The following BOD1L1 variants were observed in gnomAD, a reference collection of about 807,000 sequenced individuals.
BOD1L1 encodes biorientation of chromosomes in cell division protein 1-like 1.
BOD1L1 carries 86 observed loss-of-function variants against 240.7 expected under a neutral mutation model. That is an observed-to-expected ratio of 0.36 (90% CI 0.30 to 0.43). The LOEUF (loss-of-function observed/expected upper bound fraction) is 0.43, where lower values mean the gene tolerates loss of function less well. BOD1L1 is among the 20% of genes least tolerant of loss of function. BOD1L1 has a pLI of 1.00. For missense variants in BOD1L1, 3,554 were observed against 3,643.5 expected (o/e 0.98, Z 0.63); for synonymous variants, 1,268 against 1,272.3 (o/e 1.00, Z 0.07).
In BOD1L1 at chr4:13,586,453, A is replaced by G. The variant is rs921209434; in HGVS notation, c.8376T>C (p.Asp2792=). ...DEPDDNPDVL[D]SRIETAQRQC... is the part of the protein sequence containing the mutation. ...GCCTTTGTGCTGTTTCTATTCTGGAATCCAGGACATCTGGATTATCATCTG... is the reference window on the plus strand; with the variant it reads ...GCCTTTGTGCTGTTTCTATTCTGGAGTCCAGGACATCTGGATTATCATCTG... Residue 2792 remains aspartate, a synonymous_variant, in exon 17 of 26, where the codon GAT becomes GAC. Coordinates refer to ENST00000040738, the MANE Select transcript of BOD1L1 (RefSeq NM_148894.3). 6.2e-7 allele frequency: 1 copy of G among 1,610,512 alleles called. No homozygotes were observed. Among genetic ancestry groups the G allele is most frequent in the Non-Finnish European group, 8.5e-7 (1 of 1,177,564 alleles).
rs778285897 is a variant in BOD1L1 at position 13,603,054 on chromosome 4, T to C, written c.3846A>G (p.Pro1282=). The C allele has an allele frequency of 3.5e-5, 56 of 1,613,856 alleles. No individual in the cohort carries two copies. Among genetic ancestry groups the C allele is most frequent in the Admixed American group, 1.2e-4 (7 of 60,006 alleles). ...GCACAACAGTCACTGAACTTAAGGA[T>C]GGTGAGGAGTCTAAATTTGTGGAAT... The part of the protein sequence containing the change: ...LEHSTNLDSS[P]SLSSVTVVPL... Residue 1282 remains proline (P), a synonymous_variant, in exon 10 of 26, where the codon CCA becomes CCG. Transcript: ENST00000040738.
In BOD1L1 at chr4:13,605,063, A is replaced by C; in HGVS notation, c.1837T>G (p.Ser613Ala). The C allele has an allele frequency of 6.4e-7, 1 of 1,553,904 alleles. No homozygotes were observed. Among genetic ancestry groups the C allele is most frequent in the Non-Finnish European group, 8.6e-7 (1 of 1,157,840 alleles). ...ACATGCTTCAGCTCCTTTGAAGAAG[A>C]AATTTTTTCCTTTTCACAATGCTGA... ...TSEHCEKEKISSSKELKHVHA... is the reference protein window; with the variant it reads ...TSEHCEKEKIASSKELKHVHA... The change falls in exon 10 of 26, where the codon TCT becomes GCT. Residue 613 changes from serine (S) to alanine (A), a missense_variant. Around this residue, in one of 2 missense-constraint regions of BOD1L1, gnomAD observed 3,393 missense variants for 3,427.1 expected, o/e 0.99. Transcript: ENST00000040738.
rs547572227 is a variant in BOD1L1 at position 13,609,585 on chromosome 4, T to C, written c.1492-179A>G. Among the ~76,000 whole-genome samples the C allele has an allele frequency of 4.2e-4, 64 of 152,232 alleles. 1 individual carries two copies. Among genetic ancestry groups the C allele is most frequent in the Non-Finnish European group, 8.1e-4 (55 of 67,984 alleles). ...ATTTATCTCTGTGTGTATACATACA[T>C]ATGTATGTGTATGTTTCAATCTAGA... On this transcript the variant is annotated intron_variant, in intron 6 of 25. Coordinates refer to ENST00000040738, the MANE Select transcript of BOD1L1 (RefSeq NM_148894.3).
chr4:13,570,205 CA>C lies in BOD1L1; in HGVS notation c.9039-78del. 4 of 1,088,162 alleles carry C rather than the reference CA, an allele frequency of 3.7e-6. 1 individual carries two copies. The East Asian group carries it at 1.2e-4, about 32-fold the overall frequency. The allele number at this position is 1,088,162 out of a possible 1,614,324, so 67.4% of individuals were successfully genotyped here. ...AATAACTTGGGAGTTCCTTAAAAAA[CA>C]GAAGAGTTTTGAACTTGACAGCTAA... is the stretch of plus-strand genomic sequence containing the variant. On this transcript the variant is annotated intron_variant, in intron 25 of 25. Coordinates refer to ENST00000040738, the MANE Select transcript of BOD1L1 (RefSeq NM_148894.3).
chr4:13,595,944 C>A lies in BOD1L1; in HGVS notation c.8020G>T (p.Ala2674Ser). 6.2e-7 allele frequency: 1 copy of A among 1,612,564 alleles called. No individual in the cohort carries two copies. Among genetic ancestry groups the A allele is most frequent in the Admixed American group, 1.7e-5 (1 of 59,868 alleles). The change falls in exon 12 of 26, where the codon GCT (alanine) becomes TCT (serine). Residue 2674 changes from alanine to serine, a missense_variant and splice_region_variant. Around this residue, in one of 2 missense-constraint regions of BOD1L1, gnomAD observed 3,393 missense variants for 3,427.1 expected, o/e 0.99. Coordinates refer to ENST00000040738, the MANE Select transcript of BOD1L1 (RefSeq NM_148894.3). ...LKLKANLKME[A>S]YVPSEEEKNG... is the part of the protein sequence containing the mutation. ...TTCTCTTCCTCTGAAGGCACATAAG[C>A]CTAAAAAATCCAAAGCACCATAAAA... is the stretch of plus-strand genomic sequence containing the variant.
At chr4:13,584,926 T>G (rs1713550943) in intron 17 of BOD1L1, among the ~76,000 whole-genome samples, 1 of 152,346 alleles carries the variant, frequency 6.6e-6, no homozygotes, top group South Asian at 2.1e-4. Context: ...AAATAAATGC[T>G]ATTGCAGACA....
Position 13,603,076 on chromosome 4 carries a change from G to T in BOD1L1, c.3824C>A (p.Ser1275Tyr), listed in dbSNP as rs773835193. The T allele has an allele frequency of 3.7e-6, 6 of 1,613,950 alleles. No homozygotes were observed. Among genetic ancestry groups the T allele is most frequent in the South Asian group, 1.1e-5 (1 of 91,078 alleles). ...VAQGDATLEH[S>Y]TNLDSSPSLS... is the part of the protein sequence containing the mutation. The stretch of plus-strand genomic sequence containing the variant: ...GGATGGTGAGGAGTCTAAATTTGTG[G>T]AATGTTCAAGAGTGGCATCTCCTTG... Residue 1275 changes from serine to tyrosine, a missense_variant, in exon 10 of 26, where the codon TCC (serine) becomes TAC (tyrosine). Ser to Tyr is a moderately radical substitution (Grantham distance 144). This residue lies in a region of BOD1L1 where 3,393 missense variants were observed against 3,427.1 expected (regional missense o/e 0.99). Coordinates refer to ENST00000040738, the MANE Select transcript of BOD1L1 (RefSeq NM_148894.3).
In BOD1L1 at chr4:13,570,115, G is replaced by A. The variant is rs747364083; in HGVS notation, c.9052C>T (p.Leu3018Phe). 32 of 1,596,054 alleles carry A rather than the reference G, an allele frequency of 2.0e-5. No individual in the cohort carries two copies. Among genetic ancestry groups the A allele is most frequent in the Non-Finnish European group, 2.6e-5 (30 of 1,173,138 alleles). Residue 3018 changes from leucine (L) to phenylalanine (F), a missense_variant, in exon 26 of 26, where the codon CTC becomes TTC. This residue lies in a region of BOD1L1 where 3,393 missense variants were observed against 3,427.1 expected (regional missense o/e 0.99). Transcript: ENST00000040738. ...RSEAQRSKTQ[L>F]SPSIKRKREV... is the part of the protein sequence containing the mutation. ...CTCTTGCGCTTGATAGAAGGGGAGA[G>A]CTGTGTCTTTGATCTGCATTAAGCA...
In BOD1L1 at chr4:13,604,964, T is replaced by A; in HGVS notation, c.1936A>T (p.Asn646Tyr). 2 of 1,613,746 alleles carry A rather than the reference T, an allele frequency of 1.2e-6. No individual in the cohort carries two copies. Among genetic ancestry groups the A allele is most frequent in the East Asian group, 2.2e-5 (1 of 44,862 alleles). ...ESLHVVDENKNESKLEREHKR... is the reference protein window; with the variant it reads ...ESLHVVDENKYESKLEREHKR... ...TGTTCTCTTTCTAATTTGGATTCAT[T>A]TTTGTTTTCGTCAACTACATGCAAA... is the stretch of plus-strand genomic sequence containing the variant. The change falls in exon 10 of 26, where the codon AAT becomes TAT. Residue 646 changes from asparagine (N) to tyrosine (Y), a missense_variant. By Grantham distance (143) the Asn-to-Tyr change is moderately radical. Transcript: ENST00000040738.
At chr4:13,619,278 C>T (rs1294640681) in intron 2 of BOD1L1, among the ~76,000 whole-genome samples, 4 of 144,958 alleles carry the variant, frequency 2.8e-5, no homozygotes, top group Non-Finnish European at 4.5e-5. Context: ...CACTGCACTC[C>T]TGCCTGGGGA....
Position 13,603,267 on chromosome 4 carries a change from A to G in BOD1L1, c.3633T>C (p.Ser1211=), listed in dbSNP as rs950971586. The G allele has an allele frequency of 1.2e-6, 2 of 1,613,828 alleles. No homozygotes were observed. The highest frequency in any genetic ancestry group is 2.7e-5 in the African/African-American group (2 of 74,918). ...CCCCAGGGTTCATTTTGGACACAGCACTTTGTATATGCATTTTCTTGGTCA... is the reference window on the plus strand; with the variant it reads ...CCCCAGGGTTCATTTTGGACACAGCGCTTTGTATATGCATTTTCTTGGTCA... The part of the protein sequence containing the change: ...STLTKKMHIQ[S]AVSKMNPGEK... The change falls in exon 10 of 26, where the codon AGT becomes AGC. Residue 1211 remains serine, a synonymous_variant. Coordinates refer to ENST00000040738, the MANE Select transcript of BOD1L1 (RefSeq NM_148894.3).
At chr4:13,593,487 C>T (rs1296557295) in intron 12 of BOD1L1, 1 of 151,786 alleles carries the variant, frequency 6.6e-6, no homozygotes, top group Non-Finnish European at 1.5e-5. Flanking sequence ...TTTTATTGTA[C>T]TGAAGGTGGT....
chr4:13,579,993 C>CAA lies in BOD1L1; in HGVS notation c.8704-22_8704-21dup. On this transcript the variant is annotated intron_variant, in intron 21 of 25. Transcript: ENST00000040738. ...TTCTACCTATGTTTAAATAAACAAA[C>CAA]AAAAAAAAATTTTAAATCAGCAGTT... is the stretch of plus-strand genomic sequence containing the variant. The CAA allele has an allele frequency of 6.6e-7, 1 of 1,524,542 alleles. No homozygotes were observed. The highest frequency in any genetic ancestry group is 8.9e-7 in the Non-Finnish European group (1 of 1,127,226). 94.4% of individuals were successfully genotyped at this position (1,524,542 alleles called of 1,614,324 possible). A position where few individuals can be genotyped will look rare whatever the true frequency, so the allele number is the denominator to read the frequency against.
chr4:13,622,810 A>G (rs922360391), intron 1 of BOD1L1, among the ~76,000 whole-genome samples: 3 of 152,218 alleles, frequency 2.0e-5, no homozygotes, highest in Non-Finnish European at 4.4e-5. Context: ...CACGTGGTCA[A>G]CCCATCTGAA....
rs941186073 is a variant in BOD1L1, at chr4:13,617,168, C to T, written c.369-1666G>A. Among the ~76,000 whole-genome samples, 3 of 150,496 alleles carry T rather than the reference C, an allele frequency of 2.0e-5. No homozygotes were observed. In the South Asian group the frequency reaches 6.3e-4, roughly 31 times the overall value. On this transcript the variant is annotated intron_variant, in intron 2 of 25. Coordinates refer to ENST00000040738, the MANE Select transcript of BOD1L1 (RefSeq NM_148894.3). ...GCTGAGGCAGGAGAATTGCTGGAAT[C>T]CAGGAGGCAGAGATTGCAGTGAGCT...
chr4:13,605,836 T>C (rs1715649765), intron 9 of BOD1L1, among the ~76,000 whole-genome samples: 1 of 152,148 alleles, frequency 6.6e-6, no homozygotes, highest in Admixed American at 6.6e-5. Flanking sequence ...ACAGTAACCA[T>C]ATCATATATA....
intron 10 of BOD1L1, among the ~76,000 whole-genome samples, chr4:13,598,546 G>A (rs541716390): frequency 6.2e-4 from 95 of 152,238 alleles, no homozygotes; most frequent in Admixed American, 1.4e-3. Context: ...TTTGTAAAAT[G>A]AGGGTGGTAA....
rs772435431 is a variant in BOD1L1, at chr4:13,604,187, C to G, written c.2713G>C (p.Glu905Gln). 1.9e-6 allele frequency: 3 copies of G among 1,613,356 alleles called. No homozygotes were observed. Among genetic ancestry groups the G allele is most frequent in the South Asian group, 1.1e-5 (1 of 90,854 alleles). Residue 905 changes from glutamate to glutamine, a missense_variant, in exon 10 of 26, where the codon GAA (glutamate) becomes CAA (glutamine). Around this residue, in one of 2 missense-constraint regions of BOD1L1, gnomAD observed 3,393 missense variants for 3,427.1 expected, o/e 0.99. Coordinates refer to ENST00000040738, the MANE Select transcript of BOD1L1 (RefSeq NM_148894.3). ...TTAGACTTCAACACAAGTTTCTCTTCTAACAAGCTCTTTGTTCGTCGTTTC... is the reference window on the plus strand; with the variant it reads ...TTAGACTTCAACACAAGTTTCTCTTGTAACAAGCTCTTTGTTCGTCGTTTC... ...KEKRRTKSLL[E>Q]EKLVLKSKSK... is the part of the protein sequence containing the mutation.
chr4:13,588,203 G>GA (rs987953363), intron 15 of BOD1L1, among the ~76,000 whole-genome samples: 3 of 140,484 alleles, frequency 2.1e-5, no homozygotes, highest in Admixed American at 1.4e-4. Context: ...AAAAAAAAAA[G>GA]AAAAAAAAAT....
Sources: gnomAD v4.1 joint callset for allele counts (sites outside exome capture counted in the v4.1 genomes callset) on GRCh38, gnomAD v4.1.1 for gene constraint, gnomAD v4.1.1 regional missense constraint, MANE v1.5 for transcripts, NCBI Gene and HGNC (gene_info 2026-07-23, HGNC 2026-07-21) for gene names.